SCML2: variants seen among roughly 807,000 people sequenced by gnomAD.
SCML2 encodes the protein sex comb on midleg-like protein 2.
A neutral mutation model predicts 48.4 loss-of-function variants in SCML2; 6 were observed. That is an observed-to-expected ratio of 0.12 (90% CI 0.07 to 0.24). SCML2 has a LOEUF of 0.24. Among genes scored for constraint, SCML2 ranks in the 10% least tolerant of loss-of-function variants. The probability of loss-of-function intolerance (pLI) is 1.00; values close to 1 mark genes in which losing one functional copy is unlikely to be tolerated. For missense variants in SCML2, 377 were observed against 528.2 expected, an observed-to-expected ratio of 0.71 and a Z score of 2.81; for synonymous variants, 181 against 189.5, an observed-to-expected ratio of 0.95 and a Z score of 0.37.
intron 7 of SCML2, among the ~76,000 whole-genome samples, chrX:18,272,954 A>G (rs1186132565): frequency 8.9e-6 from 1 of 112,112 alleles, no homozygotes; most frequent in Non-Finnish European, 1.9e-5. Flanking sequence ...TTAACCTGCT[A>G]TAACAACATT....
intron 7 of SCML2, among the ~76,000 whole-genome samples, chrX:18,302,236 A>C (rs181650620): frequency 1.3e-3 from 141 of 110,888 alleles, no homozygotes; most frequent in African/African-American, 4.2e-3. Context: ...CCACAGTTTT[A>C]CTAAGACCGC....
intron 11 of SCML2, 25 bp downstream of exon 11, chrX:18,256,823 T>G (rs1010381629): frequency 1.8e-6 from 2 of 1,098,220 alleles, no homozygotes; most frequent in Admixed American, 3.0e-5. Flanking sequence ...GAAACAGAAG[T>G]GTAAGAGTTT....
At chrX:18,350,887 A>G (rs914222255) in intron 1 of SCML2, among the ~76,000 whole-genome samples, 2 of 111,814 alleles carry the variant, frequency 1.8e-5, no homozygotes, top group Non-Finnish European at 3.8e-5. Flanking sequence ...GATAAACGCC[A>G]GTGGTTTCTT....
chrX:18,242,507 C>G lies in SCML2; in HGVS notation c.1906G>C (p.Val636Leu). The change falls in exon 14 of 15, where the codon GTG (valine) becomes CTG (leucine). Residue 636 changes from valine (V) to leucine (L), a missense_variant. Val to Leu is a conservative substitution (Grantham distance 32). Coordinates refer to ENST00000251900, the MANE Select transcript of SCML2 (RefSeq NM_006089.3). ...KDPSTWSVDE[V>L]IQFMKHTDPQ... ...TCTGTATGTTTCATAAACTGTATCACTTCATCCACAGACCAGGTTGAAGGG... is the reference window on the plus strand; with the variant it reads ...TCTGTATGTTTCATAAACTGTATCAGTTCATCCACAGACCAGGTTGAAGGG... 1 of 1,209,499 alleles carries G rather than the reference C, an allele frequency of 8.3e-7. No individual in the cohort carries two copies. The highest frequency in any genetic ancestry group is 1.8e-5 in the South Asian group (1 of 56,483).
intron 1 of SCML2, 47 bp downstream of exon 1, chrX:18,354,545 A>G (rs1251882205): frequency 7.8e-6 from 2 of 255,415 alleles, no homozygotes; most frequent in Admixed American, 1.3e-4. Flanking sequence ...GGTCCGGGAC[A>G]CACCTCCGCC....
intron 12 of SCML2, 57 bp downstream of exon 12, chrX:18,247,712 T>C (rs16992372): frequency 0.23 from 208,072 of 907,433 alleles, 18,431 homozygotes; most frequent in African/African-American, 0.45. Context: ...AGAGTATACA[T>C]AAGTGGTAGC....
chrX:18,308,863 G>C (rs948379502), intron 6 of SCML2, among the ~76,000 whole-genome samples: 11 of 111,105 alleles, frequency 9.9e-5, no homozygotes, highest in African/African-American at 3.3e-4. Flanking sequence ...GCTAACAAGC[G>C]TATGAAAAAA....
At chrX:18,349,890 C>T (rs894525312) in intron 1 of SCML2, among the ~76,000 whole-genome samples, 2 of 112,361 alleles carry the variant, frequency 1.8e-5, no homozygotes, top group African/African-American at 3.2e-5. Flanking sequence ...TAAACAAAAT[C>T]GCCTTTCTCA....
chrX:18,285,132 T>C (rs1249767432), intron 7 of SCML2, among the ~76,000 whole-genome samples: 1 of 110,940 alleles, frequency 9.0e-6, no homozygotes, highest in East Asian at 2.8e-4. Context: ...GTTCAGCCAT[T>C]GTGGAAAATA....
At chrX:18,273,998 C>T (rs1927546311) in intron 7 of SCML2, among the ~76,000 whole-genome samples, 1 of 111,406 alleles carries the variant, frequency 9.0e-6, no homozygotes, top group Non-Finnish European at 1.9e-5. Context: ...TAAAATCCCC[C>T]ACATTTACTA....
intron 7 of SCML2, among the ~76,000 whole-genome samples, chrX:18,293,724 C>T: frequency 9.0e-6 from 1 of 111,703 alleles, no homozygotes; most frequent in Non-Finnish European, 1.9e-5. Context: ...TGTAAAACAC[C>T]AAAGATGACA....
At position 18,246,568 on chromosome X, in the gene SCML2, TGAACATACC is replaced by T; in HGVS notation, c.1822_1822+8del. On this transcript the variant is annotated splice_donor_variant and splice_donor_5th_base_variant and coding_sequence_variant and intron_variant, in exon 13 of 15. Transcript: ENST00000251900. LOFTEE classifies it high-confidence loss of function. ...CAAACACATTGAGAGTCACTATTTT[TGAACATACC>T]TTCACTTTTCCTCTGCATTTGGAAT... is the stretch of plus-strand genomic sequence containing the variant. The T allele has an allele frequency of 8.4e-7, 1 of 1,186,555 alleles. No individual in the cohort carries two copies. The highest frequency in any genetic ancestry group is 2.4e-5 in the Admixed American group (1 of 42,394).
chrX:18,255,337 A>T (rs914083753), intron 11 of SCML2, among the ~76,000 whole-genome samples: 1 of 112,292 alleles, frequency 8.9e-6, no homozygotes, highest in Non-Finnish European at 1.9e-5. Flanking sequence ...GCACATAGCT[A>T]GTTAACAGCA....
intron 6 of SCML2, among the ~76,000 whole-genome samples, chrX:18,305,828 G>A (rs940254126): frequency 9.1e-5 from 10 of 110,055 alleles, no homozygotes; most frequent in African/African-American, 3.3e-4. Flanking sequence ...TATAGTATGG[G>A]GTCATTTATA....
chrX:18,343,351 G>GAA (rs753294369), intron 1 of SCML2, among the ~76,000 whole-genome samples: 1 of 102,321 alleles, frequency 9.8e-6, no homozygotes, highest in Non-Finnish European at 2.0e-5. Flanking sequence ...TTTCACTAGG[G>GAA]AAAAAAAAAA....
chrX:18,304,925 T>A, intron 7 of SCML2, 47 bp downstream of exon 7: 1 of 1,171,143 alleles, frequency 8.5e-7, no homozygotes, highest in Non-Finnish European at 1.1e-6. Flanking sequence ...GACAGTTACA[T>A]CTAACTTCAA....
At position 18,240,395 on chromosome X, in the gene SCML2, C is replaced by T. The variant is rs1309471148; in HGVS notation, c.*856G>A. The T allele has an allele frequency of 8.9e-6, 1 of 111,938 alleles. No homozygotes were observed. The highest frequency in any genetic ancestry group is 3.3e-5 in the African/African-American group (1 of 30,752). 9.2% of individuals were successfully genotyped at this position (111,938 alleles called of 1,213,427 possible). A position where few individuals can be genotyped will look rare whatever the true frequency, so the allele number is the denominator to read the frequency against. On this transcript the variant is annotated 3_prime_UTR_variant, in exon 15 of 15. Coordinates refer to ENST00000251900, the MANE Select transcript of SCML2 (RefSeq NM_006089.3). ...TATATATCTTCAAAAATTTTGGACA[C>T]AGGTATCTTCATATAGAGATGTAAG...
intron 1 of SCML2, among the ~76,000 whole-genome samples, chrX:18,352,477 G>T (rs1241100714): frequency 8.9e-6 from 1 of 112,035 alleles, no homozygotes; most frequent in East Asian, 2.8e-4. Flanking sequence ...AATTTTGTTT[G>T]GAGAATTATG....
chrX:18,338,691 T>C (rs890475035), intron 1 of SCML2, among the ~76,000 whole-genome samples: 2 of 107,558 alleles, frequency 1.9e-5, no homozygotes, highest in African/African-American at 6.8e-5. Context: ...GGCAGGAGGA[T>C]TGCTTGAGCC....
Sources: allele counts gnomAD v4.1 joint callset (sites outside exome capture counted in the v4.1 genomes callset), GRCh38; gene constraint gnomAD v4.1.1; transcripts MANE v1.5; gene names NCBI Gene and HGNC (gene_info 2026-07-23, HGNC 2026-07-21).